Variants in INPP4A observed in about 807,000 individuals in gnomAD.
INPP4A encodes the protein inositol polyphosphate-4-phosphatase, type I, 107kD.
INPP4A carries 33 observed loss-of-function variants against 119.8 expected under a neutral mutation model. The ratio of observed to expected loss-of-function variants is 0.28; its 90% CI spans 0.21 to 0.37. INPP4A has a LOEUF of 0.37. Ranked by LOEUF, INPP4A falls within the 10% of genes least tolerant of loss-of-function variation. The probability of loss-of-function intolerance (pLI) is 1.00; values close to 1 mark genes in which losing one functional copy is unlikely to be tolerated. For missense variants in INPP4A, 956 were observed against 1,289.9 expected (o/e 0.74, Z 3.97); for synonymous variants, 496 against 500.7 (o/e 0.99, Z 0.12).
At chr2:98,478,387 T>C (rs1325868208) in intron 1 of INPP4A, among the ~76,000 whole-genome samples, 2 of 152,202 alleles carry the variant, frequency 1.3e-5, no homozygotes, top group African/African-American at 4.8e-5. Context: ...GCTCTGTTCC[T>C]GGATGGCTTC....
intron 14 of INPP4A, among the ~76,000 whole-genome samples, chr2:98,553,542 C>T (rs998210399): frequency 1.3e-5 from 2 of 151,982 alleles, no homozygotes; most frequent in Non-Finnish European, 1.5e-5. Context: ...TCAGCGCACA[C>T]AAACACGCTC....
At chr2:98,484,891 G>C (rs536684262) in intron 1 of INPP4A, among the ~76,000 whole-genome samples, 5 of 152,170 alleles carry the variant, frequency 3.3e-5, no homozygotes, top group Non-Finnish European at 5.9e-5. Context: ...AGGCTTGTAG[G>C]CTGCTATTTA....
At chr2:98,549,581 A>C (rs969019625) in intron 13 of INPP4A, among the ~76,000 whole-genome samples, 5 of 152,158 alleles carry the variant, frequency 3.3e-5, no homozygotes, top group Non-Finnish European at 5.9e-5. Flanking sequence ...CCCCAGGCTC[A>C]TAACAGAGGC....
intron 1 of INPP4A, among the ~76,000 whole-genome samples, chr2:98,494,831 C>T (rs532219498): frequency 6.6e-6 from 1 of 152,182 alleles, no homozygotes; most frequent in South Asian, 2.1e-4. Context: ...AGGCAGTTGT[C>T]AAAAACAATA....
intron 1 of INPP4A, among the ~76,000 whole-genome samples, chr2:98,448,353 CAAAAAAAAAA>C (rs571844955): frequency 1.0e-5 from 1 of 99,752 alleles, no homozygotes. Context: ...GAGACTGTCT[CAAAAAAAAAA>C]AAAAAAAAAA....
At chr2:98,561,299 T>C (rs890444183) in intron 17 of INPP4A, among the ~76,000 whole-genome samples, 1 of 152,232 alleles carries the variant, frequency 6.6e-6, no homozygotes, top group East Asian at 1.9e-4. Context: ...AGCTGATTTT[T>C]TCTCATAACA....
chr2:98,552,548 T>C (rs1693720593), intron 13 of INPP4A: 1 of 646,926 alleles, frequency 1.5e-6, no homozygotes, highest in Admixed American at 2.1e-5. Flanking sequence ...AAAATACAGA[T>C]ACATGCAAAT....
At chr2:98,577,387 T>C (rs1322999922) in intron 24 of INPP4A, among the ~76,000 whole-genome samples, 2 of 152,190 alleles carry the variant, frequency 1.3e-5, no homozygotes, top group Non-Finnish European at 2.9e-5. Flanking sequence ...CCCAGAAAAC[T>C]GGTAGACTGG....
At chr2:98,574,406 G>A (rs190047890) in intron 23 of INPP4A, among the ~76,000 whole-genome samples, 48 of 152,268 alleles carry the variant, frequency 3.2e-4, no homozygotes, top group African/African-American at 1.1e-3. Flanking sequence ...GGGAGGCCGA[G>A]GTAGGTGAGT....
chr2:98,531,083 T>C (rs1559016269), intron 4 of INPP4A, among the ~76,000 whole-genome samples: 1 of 152,222 alleles, frequency 6.6e-6, no homozygotes, highest in Non-Finnish European at 1.5e-5. Context: ...TCATGAAGAC[T>C]CTACCCTCAT....
At chr2:98,576,615 C>T (rs1054950812) in intron 23 of INPP4A, among the ~76,000 whole-genome samples, 1 of 152,202 alleles carries the variant, frequency 6.6e-6, no homozygotes, top group Non-Finnish European at 1.5e-5. Flanking sequence ...ATTTGCCGCC[C>T]TCTTTCCCTG....
chr2:98,486,849 CAG>C (rs1226876872), intron 1 of INPP4A, among the ~76,000 whole-genome samples: 5 of 152,222 alleles, frequency 3.3e-5, no homozygotes, highest in African/African-American at 9.6e-5. Context: ...CTGCCAGTGA[CAG>C]GGGCGGGCAA....
intron 1 of INPP4A, among the ~76,000 whole-genome samples, chr2:98,509,640 G>A (rs1441903256): frequency 2.0e-5 from 3 of 152,138 alleles, no homozygotes; most frequent in Non-Finnish European, 2.9e-5. Flanking sequence ...GGTGTGGAAG[G>A]CAGTCGGCAG....
chr2:98,508,811 G>A (rs565814355), intron 1 of INPP4A, among the ~76,000 whole-genome samples: 18 of 152,184 alleles, frequency 1.2e-4, no homozygotes, highest in Admixed American at 3.9e-4. Flanking sequence ...TCCTAACCAC[G>A]CAGCTCTGAC....
At chr2:98,481,034 G>A (rs1678326726) in intron 1 of INPP4A, among the ~76,000 whole-genome samples, 2 of 152,222 alleles carry the variant, frequency 1.3e-5, no homozygotes, top group South Asian at 4.1e-4. Context: ...AGAGAGCAAA[G>A]CAGCACCTGG....
intron 1 of INPP4A, among the ~76,000 whole-genome samples, chr2:98,516,972 A>G (rs1045099691): frequency 6.6e-6 from 1 of 152,026 alleles, no homozygotes; most frequent in South Asian, 2.1e-4. Context: ...GTTGTCTTGT[A>G]TACACTTTGT....
intron 18 of INPP4A, among the ~76,000 whole-genome samples, chr2:98,563,933 G>GT (rs60347668): frequency 0.05 from 6,240 of 125,478 alleles, 193 homozygotes; most frequent in Middle Eastern, 0.061. Flanking sequence ...TCTTTGCTGC[G>GT]TTTTTTTTTT....
At chr2:98,448,129 G>T (rs1694558500) in intron 1 of INPP4A, among the ~76,000 whole-genome samples, 1 of 151,748 alleles carries the variant, frequency 6.6e-6, no homozygotes, top group Non-Finnish European at 1.5e-5. Context: ...GCTGAGGTGG[G>T]AGGATCACTT....
Position 98,564,635 on chromosome 2 carries a change from C to T in INPP4A, c.2029-5C>T, listed in dbSNP as rs1202805661. 2.5e-6 allele frequency: 4 copies of T among 1,613,220 alleles called. No homozygotes were observed. In the East Asian group the frequency reaches 6.7e-5, roughly 27 times the overall value. ...CCTGAACCTCTTCACCCCACGCTCC[C>T]ACAGCTGACCGCCCTCATCTGCGGC... On this transcript the variant is annotated splice_polypyrimidine_tract_variant and splice_region_variant and intron_variant, in intron 18 of 24. Coordinates refer to ENST00000409851, the MANE Select transcript of INPP4A (RefSeq NM_001134225.2).
Sources: allele counts gnomAD v4.1 joint callset (sites outside exome capture counted in the v4.1 genomes callset), GRCh38; gene constraint gnomAD v4.1.1; transcripts MANE v1.5; gene names NCBI Gene and HGNC (gene_info 2026-07-23, HGNC 2026-07-21).